The following CDH18 variants were observed in gnomAD, a reference collection of about 807,000 sequenced individuals.
The protein encoded by CDH18 is cadherin 18.
Under a neutral mutation model 67.9 loss-of-function variants are expected in CDH18, and 31 were observed. That is an observed-to-expected ratio of 0.46 (90% CI 0.34 to 0.62). The LOEUF (loss-of-function observed/expected upper bound fraction) is 0.62. Among genes scored for constraint, CDH18 ranks in the 20% least tolerant of loss-of-function variants. The probability of loss-of-function intolerance (pLI) is 0.01; values close to 1 mark genes in which losing one functional copy is unlikely to be tolerated. For synonymous variants in CDH18, 362 were observed against 347.2 expected, an observed-to-expected ratio of 1.04 and a Z score of -0.48; for missense variants, 890 against 975.5, an observed-to-expected ratio of 0.91 and a Z score of 1.17.
chr5:19,655,665 C>T (rs1756259943), intron 5 of CDH18, among the ~76,000 whole-genome samples: 1 of 152,064 alleles, frequency 6.6e-6, no homozygotes, highest in African/African-American at 2.4e-5. Flanking sequence ...TAATTAAGTG[C>T]TACATTGGAT....
intron 1 of CDH18, among the ~76,000 whole-genome samples, chr5:20,512,096 G>T (rs565090712): frequency 1.3e-5 from 2 of 151,906 alleles, no homozygotes; most frequent in Non-Finnish European, 2.9e-5. Flanking sequence ...GCTGGCAGGC[G>T]CATGTAATCC....
intron 2 of CDH18, among the ~76,000 whole-genome samples, chr5:19,978,237 G>T (rs1358281095): frequency 6.6e-6 from 1 of 152,036 alleles, no homozygotes; most frequent in Non-Finnish European, 1.5e-5. Flanking sequence ...ATTCATTAGG[G>T]AGGATAAATT....
At chr5:20,084,999 C>T (rs746514892) in intron 2 of CDH18, among the ~76,000 whole-genome samples, 1 of 152,164 alleles carries the variant, frequency 6.6e-6, no homozygotes, top group Admixed American at 6.5e-5. Context: ...CTCCTCATTA[C>T]CTATGCAAAT....
At chr5:20,172,310 T>C (rs1736899769) in intron 2 of CDH18, among the ~76,000 whole-genome samples, 1 of 145,194 alleles carries the variant, frequency 6.9e-6, no homozygotes, top group Non-Finnish European at 1.5e-5. Context: ...CATGCAAATC[T>C]ACATTACCAG....
chr5:20,053,330 C>G (rs1741609534), intron 2 of CDH18, among the ~76,000 whole-genome samples: 4 of 151,640 alleles, frequency 2.6e-5, no homozygotes. Flanking sequence ...CACACACACA[C>G]AAAGGTCACT....
At chr5:20,505,189 G>C (rs1049018841) in intron 1 of CDH18, among the ~76,000 whole-genome samples, 15 of 152,114 alleles carry the variant, frequency 9.9e-5, no homozygotes, top group African/African-American at 3.6e-4. Context: ...TATAAGTACA[G>C]TCTGTTACAA....
chr5:19,837,346 G>A (rs1034829093), intron 3 of CDH18, among the ~76,000 whole-genome samples: 23 of 151,860 alleles, frequency 1.5e-4, no homozygotes, highest in South Asian at 2.1e-4. Context: ...ACCATGGCAC[G>A]TGTATACCTA....
chr5:19,835,375 G>A (rs541620836), intron 3 of CDH18, among the ~76,000 whole-genome samples: 1 of 152,088 alleles, frequency 6.6e-6, no homozygotes, highest in African/African-American at 2.4e-5. Context: ...GTTGGGGGGT[G>A]GGGAGGGAAC....
At chr5:19,914,428 T>C (rs17223794) in intron 2 of CDH18, among the ~76,000 whole-genome samples, 45,024 of 151,894 alleles carry the variant, frequency 0.3, 7,807 homozygotes, top group South Asian at 0.41. Context: ...GTCAATTGTT[T>C]GCTTATTTTT....
intron 4 of CDH18, among the ~76,000 whole-genome samples, chr5:19,730,222 T>C (rs946369179): frequency 4.6e-5 from 7 of 152,192 alleles, no homozygotes; most frequent in African/African-American, 1.7e-4. Flanking sequence ...GACTTTTCAG[T>C]CCCTCCATTT....
intron 2 of CDH18, among the ~76,000 whole-genome samples, chr5:20,064,221 G>A (rs186277825): frequency 6.6e-6 from 1 of 152,112 alleles, no homozygotes; most frequent in East Asian, 1.9e-4. Flanking sequence ...ATAATCTCTG[G>A]GCTCTGTAAA....
At chr5:19,861,989 G>T (rs1443094429) in intron 2 of CDH18, among the ~76,000 whole-genome samples, 1 of 152,146 alleles carries the variant, frequency 6.6e-6, no homozygotes, top group Non-Finnish European at 1.5e-5. Context: ...GATGATATTT[G>T]AATCTTTGAA....
At chr5:20,403,418 G>C (rs1745951834) in intron 1 of CDH18, among the ~76,000 whole-genome samples, 2 of 152,072 alleles carry the variant, frequency 1.3e-5, no homozygotes, top group African/African-American at 2.4e-5. Flanking sequence ...TGAAAAGCAA[G>C]ATGTATTTTT....
At chr5:20,236,560 A>G (rs2126526359) in intron 2 of CDH18, among the ~76,000 whole-genome samples, 1 of 152,104 alleles carries the variant, frequency 6.6e-6, no homozygotes, top group Middle Eastern at 3.4e-3. Context: ...TACTACAAAC[A>G]ATTATATGTC....
At chr5:20,551,619 T>C (rs930135668) in intron 1 of CDH18, among the ~76,000 whole-genome samples, 3 of 152,178 alleles carry the variant, frequency 2.0e-5, no homozygotes, top group African/African-American at 7.2e-5. Flanking sequence ...CTGATCTCTG[T>C]TATTCAACTG....
At chr5:20,282,447 C>A (rs996687244) in intron 1 of CDH18, among the ~76,000 whole-genome samples, 4 of 151,750 alleles carry the variant, frequency 2.6e-5, no homozygotes, top group Non-Finnish European at 5.9e-5. Context: ...TTGTCAAAGG[C>A]CTTTTCTGCA....
At chr5:20,495,304 A>T (rs1753841005) in intron 1 of CDH18, among the ~76,000 whole-genome samples, 1 of 152,108 alleles carries the variant, frequency 6.6e-6, no homozygotes, top group Non-Finnish European at 1.5e-5. Context: ...TACTGTATAA[A>T]TGTTAAGGCC....
At chr5:20,208,467 C>A (rs1055932353) in intron 2 of CDH18, among the ~76,000 whole-genome samples, 13 of 151,936 alleles carry the variant, frequency 8.6e-5, no homozygotes, top group African/African-American at 1.2e-4. Context: ...ATATACAATC[C>A]GGAGAGGACA....
chr5:20,076,161 T>C (rs1019223396), intron 2 of CDH18, among the ~76,000 whole-genome samples: 2 of 152,180 alleles, frequency 1.3e-5, no homozygotes, highest in South Asian at 2.1e-4. Flanking sequence ...TTTTTCCATG[T>C]TGTTTTATAT....
Sources: allele counts gnomAD v4.1 joint callset (sites outside exome capture counted in the v4.1 genomes callset), GRCh38; gene constraint gnomAD v4.1.1; transcripts MANE v1.5; gene names NCBI Gene and HGNC (gene_info 2026-07-23, HGNC 2026-07-21).